The following ZNF763 variants were observed in gnomAD, a reference collection of about 807,000 sequenced individuals.
The protein encoded by ZNF763 is zinc finger protein 763.
In ZNF763, 33 loss-of-function variants were observed where a neutral mutation model predicts 38.0. That is an observed-to-expected ratio of 0.87 (90% CI 0.66 to 1.16). The LOEUF (loss-of-function observed/expected upper bound fraction) is 1.16. ZNF763 is among the 50% of genes most tolerant of loss of function. ZNF763 has a pLI of 0.00. For synonymous variants in ZNF763, 155 were observed against 160.1 expected (o/e 0.97, Z 0.24); for missense variants, 423 against 469.1 (o/e 0.90, Z 0.91).
intron 1 of ZNF763, among the ~76,000 whole-genome samples, chr19:11,976,524 C>G (rs1973492801): frequency 6.8e-6 from 1 of 146,420 alleles, no homozygotes. Context: ...CCACTGCACT[C>G]CAGCCTGGGC....
At position 11,978,973 on chromosome 19, in the gene ZNF763, C is replaced by T. The variant is rs371508957; in HGVS notation, c.1049C>T (p.Thr350Met). The change falls in exon 4 of 4, where the codon ACG (threonine) becomes ATG (methionine). Residue 350 changes from threonine (T) to methionine (M), a missense_variant. Coordinates refer to ENST00000358987, the MANE Select transcript of ZNF763 (RefSeq NM_001367172.2). ...TGTAAGGAATGTAGAAAAGCATTCA[C>T]GTATCCCAGTTCCCTTCGTAGACAT... Reference protein sequence around the residue: ...YQCKECRKAFTYPSSLRRHER... With the variant: ...YQCKECRKAFMYPSSLRRHER... The T allele has an allele frequency of 1.7e-5, 28 of 1,614,004 alleles. No homozygotes were observed. The African/African-American group carries it at 2.0e-4, about 12-fold the overall frequency.
intron 3 of ZNF763, 140 bp downstream of exon 3, chr19:11,977,571 A>T: frequency 8.9e-7 from 1 of 1,129,358 alleles, no homozygotes; most frequent in East Asian, 2.6e-5. Flanking sequence ...TCATATATTT[A>T]CATGTGACTA....
chr19:11,976,754 T>A (rs1051769503), intron 1 of ZNF763: 11 of 587,696 alleles, frequency 1.9e-5, no homozygotes, highest in Non-Finnish European at 2.7e-5. Context: ...TAATCCCAGC[T>A]ACTCGGGAGG....
At chr19:11,974,586 T>C (rs1973443945) in intron 1 of ZNF763, among the ~76,000 whole-genome samples, 1 of 145,566 alleles carries the variant, frequency 6.9e-6, no homozygotes, top group African/African-American at 2.6e-5. Context: ...GGAGGTATAG[T>C]TGGAAATATT....
chr19:11,977,823 A>T (rs1456023451), intron 3 of ZNF763, among the ~76,000 whole-genome samples: 2 of 152,190 alleles, frequency 1.3e-5, no homozygotes, highest in Admixed American at 6.5e-5. Flanking sequence ...ATATCACTGT[A>T]CTCCAGGATG....
intron 1 of ZNF763, among the ~76,000 whole-genome samples, chr19:11,969,366 A>C (rs933901869): frequency 1.3e-5 from 2 of 152,160 alleles, no homozygotes; most frequent in Non-Finnish European, 2.9e-5. Context: ...TGGCCTCCCA[A>C]AGTGGTGGGA....
At chr19:11,977,009 G>A (rs201335543) in intron 1 of ZNF763, 29 bp from the exon 2 acceptor site, 1 of 1,613,098 alleles carries the variant, frequency 6.2e-7, no homozygotes, top group East Asian at 2.2e-5. Context: ...CTCTCACCCA[G>A]CCTCCTCTAC....
In ZNF763 at chr19:11,977,422, G is replaced by A. The variant is rs774044918; in HGVS notation, c.182G>A (p.Arg61Lys). 77 of 1,613,850 alleles carry A rather than the reference G, an allele frequency of 4.8e-5. No homozygotes were observed. In the Middle Eastern group the frequency reaches 6.6e-4, roughly 14 times the overall value. ...NIEYEYQNPRRNFRSLIEGNV... is the reference protein window; with the variant it reads ...NIEYEYQNPRKNFRSLIEGNV... ...GAATATGAGTACCAAAACCCCAGGA[G>A]AAACTTCAGGTAATTGGCACTTAAA... The change falls in exon 3 of 4, where the codon AGA (arginine) becomes AAA (lysine). Residue 61 changes from arginine (R) to lysine (K), a missense_variant. By Grantham distance (26) the Arg-to-Lys change is conservative (BLOSUM62 2). Transcript: ENST00000358987.
Position 11,978,764 on chromosome 19 carries a change from G to A in ZNF763, c.840G>A (p.Gly280=). The A allele has an allele frequency of 6.2e-7, 1 of 1,613,972 alleles. No individual in the cohort carries two copies. The change falls in exon 4 of 4, where the codon GGG becomes GGA. Residue 280 remains glycine (G), a synonymous_variant. Coordinates refer to ENST00000358987, the MANE Select transcript of ZNF763 (RefSeq NM_001367172.2). ...SFQAHKRTHT[G]GKPYECKQCG... ...AAGCACATAAAAGAACCCACACTGG[G>A]GGAAAGCCATATGAATGTAAACAAT...
rs72988679 is a variant in ZNF763, at chr19:11,980,032, A to T, written c.*923A>T. On this transcript the variant is annotated 3_prime_UTR_variant, in exon 4 of 4. Coordinates refer to ENST00000358987, the MANE Select transcript of ZNF763 (RefSeq NM_001367172.2). ...TTATTTCTTTCACTTCTTTTCGATA[A>T]CATGAAAGGACTCACACTGGAGAGA... 21,087 of 1,050,720 alleles carry T rather than the reference A, an allele frequency of 0.02. 266 individuals carry two copies. The highest frequency in any genetic ancestry group is 0.028 in the African/African-American group (1,711 of 62,160). 65.1% of individuals were successfully genotyped at this position (1,050,720 alleles called of 1,614,324 possible).
Position 11,979,149 on chromosome 19 carries a change from A to G in ZNF763, c.*40A>G, listed in dbSNP as rs1426695890. Reference sequence around the variant, plus strand: ...GGAAAGGCCTTTATTCTGCCAAGTCATTTCGAAGACATGAAAAAACTCACA... The same window carrying G: ...GGAAAGGCCTTTATTCTGCCAAGTCGTTTCGAAGACATGAAAAAACTCACA... On this transcript the variant is annotated 3_prime_UTR_variant, in exon 4 of 4. Coordinates refer to ENST00000358987, the MANE Select transcript of ZNF763 (RefSeq NM_001367172.2). 2 of 1,611,996 alleles carry G rather than the reference A, an allele frequency of 1.2e-6. No individual in the cohort carries two copies. Among genetic ancestry groups the G allele is most frequent in the Non-Finnish European group, 8.5e-7 (1 of 1,179,570 alleles).
chr19:11,976,788 C>A, intron 1 of ZNF763: 1 of 1,075,890 alleles, frequency 9.3e-7, no homozygotes, highest in South Asian at 2.0e-5. Flanking sequence ...ATCGCTTGAA[C>A]CCCGGTCATG....
chr19:11,975,947 T>C (rs1012029382), intron 1 of ZNF763, among the ~76,000 whole-genome samples: 1 of 151,474 alleles, frequency 6.6e-6, no homozygotes, highest in Non-Finnish European at 1.5e-5. Flanking sequence ...GCCCTTGTTA[T>C]CAGCATCTAT....
At chr19:11,968,585 G>A (rs1283851901) in intron 1 of ZNF763, among the ~76,000 whole-genome samples, 1 of 152,106 alleles carries the variant, frequency 6.6e-6, no homozygotes, top group East Asian at 1.9e-4. Context: ...CCCAGAGCTT[G>A]TTTTCTTTTC....
At chr19:11,971,853 C>CA (rs1008637383) in intron 1 of ZNF763, among the ~76,000 whole-genome samples, 3 of 152,102 alleles carry the variant, frequency 2.0e-5, no homozygotes, top group African/African-American at 7.2e-5. Flanking sequence ...AGCCTCAGTT[C>CA]AGGAGTTTGA....
chr19:11,975,542 C>G (rs973799950), intron 1 of ZNF763, among the ~76,000 whole-genome samples: 2 of 152,094 alleles, frequency 1.3e-5, no homozygotes, highest in African/African-American at 4.8e-5. Flanking sequence ...AGACTACAGG[C>G]GCCCGCCACC....
chr19:11,976,904 A>G, intron 1 of ZNF763, 134 bp from the exon 2 acceptor site: 1 of 1,529,904 alleles, frequency 6.5e-7, no homozygotes, highest in East Asian at 2.3e-5. Flanking sequence ...AAAGTACAGA[A>G]AGCGAGAAAG....
rs553747683 is a variant in ZNF763, at chr19:11,965,439, C to T, written c.3+228C>T. ...CCCTGCGCGGTGACTGCGGCCCCGC[C>T]CCGGAGCCCTCTCTGGGCAGTTCCG... On this transcript the variant is annotated intron_variant, in intron 1 of 3. Coordinates refer to ENST00000358987, the MANE Select transcript of ZNF763 (RefSeq NM_001367172.2). Among the ~76,000 whole-genome samples the T allele has an allele frequency of 5.5e-4, 84 of 152,300 alleles. 2 individuals carry two copies. In the South Asian group the frequency reaches 0.012, roughly 21 times the overall value.
rs1355095806 is a variant in ZNF763, at chr19:11,979,352, C to T, written c.*243C>T. 9.9e-6 allele frequency: 16 copies of T among 1,609,656 alleles called. No homozygotes were observed. Among genetic ancestry groups the T allele is most frequent in the Non-Finnish European group, 1.0e-5 (12 of 1,178,342 alleles). ...CATGGTAGGACTCACTGGAGAGAAA[C>T]CCTATGAGTGTAAGGAATGTGGGAA... On this transcript the variant is annotated 3_prime_UTR_variant, in exon 4 of 4. Transcript: ENST00000358987.
Sources: gnomAD v4.1 joint callset for allele counts (sites outside exome capture counted in the v4.1 genomes callset) on GRCh38, gnomAD v4.1.1 for gene constraint, MANE v1.5 for transcripts, NCBI Gene and HGNC (gene_info 2026-07-23, HGNC 2026-07-21) for gene names.